SLC9A7: variants seen among roughly 807,000 people sequenced by gnomAD.
SLC9A7 encodes the protein sodium/hydrogen exchanger 7.
SLC9A7 carries 19 observed loss-of-function variants against 52.6 expected under a neutral mutation model. The observed-to-expected ratio is 0.36, with a 90% CI of 0.25 to 0.53. The LOEUF (loss-of-function observed/expected upper bound fraction) is 0.53, where lower values mean the gene tolerates loss of function less well. Ranked by LOEUF, SLC9A7 falls within the 20% of genes least tolerant of loss-of-function variation. The probability of loss-of-function intolerance (pLI) is 0.91; values close to 1 mark genes in which losing one functional copy is unlikely to be tolerated. For missense variants in SLC9A7, 455 were observed against 597.9 expected, an observed-to-expected ratio of 0.76 and a Z score of 2.49; for synonymous variants, 226 against 252.1, an observed-to-expected ratio of 0.90 and a Z score of 0.98.
chrX:46,663,301 C>T (rs1283370693), intron 5 of SLC9A7, among the ~76,000 whole-genome samples: 2 of 107,596 alleles, frequency 1.9e-5, no homozygotes, highest in Admixed American at 2.0e-4. Context: ...CCATTGCACT[C>T]CAGCCTGGGC....
chrX:46,692,683 G>A (rs1178223375), intron 1 of SLC9A7, among the ~76,000 whole-genome samples: 1 of 111,350 alleles, frequency 9.0e-6, no homozygotes, highest in African/African-American at 3.3e-5. Context: ...GGGTGTTTGA[G>A]GTATTTTGAT....
chrX:46,635,310 G>A (rs908181318), intron 13 of SLC9A7, among the ~76,000 whole-genome samples: 7 of 111,294 alleles, frequency 6.3e-5, no homozygotes, highest in Non-Finnish European at 1.3e-4. Context: ...TCAGTTGTAC[G>A]AAAAGGAGAC....
intron 16 of SLC9A7, among the ~76,000 whole-genome samples, chrX:46,612,195 T>C (rs1303739869): frequency 1.8e-5 from 2 of 112,547 alleles, no homozygotes; most frequent in East Asian, 2.8e-4. Flanking sequence ...CGAATGAACT[T>C]AGCCTTTGTG....
chrX:46,697,681 G>A (rs1944467518), intron 1 of SLC9A7, among the ~76,000 whole-genome samples: 1 of 111,491 alleles, frequency 9.0e-6, no homozygotes, highest in Non-Finnish European at 1.9e-5. Flanking sequence ...TGCACAAATT[G>A]TACAGCATGT....
intron 5 of SLC9A7, 67 bp downstream of exon 5, chrX:46,669,540 C>T: frequency 3.4e-6 from 2 of 579,784 alleles, no homozygotes; most frequent in Non-Finnish European, 5.2e-6. Context: ...AATGATTGCT[C>T]TGAACTTTTA....
intron 1 of SLC9A7, among the ~76,000 whole-genome samples, chrX:46,712,345 G>A (rs1322084816): frequency 9.0e-6 from 1 of 111,168 alleles, no homozygotes; most frequent in Non-Finnish European, 1.9e-5. Flanking sequence ...AGGCGAAGGG[G>A]AGCCAGCATG....
chrX:46,757,184 C>A (rs1468921142), intron 1 of SLC9A7, among the ~76,000 whole-genome samples: 1 of 111,988 alleles, frequency 8.9e-6, no homozygotes, highest in Admixed American at 9.5e-5. Context: ...TCAATTCCCC[C>A]CTGTCTGTCT....
intron 1 of SLC9A7, among the ~76,000 whole-genome samples, chrX:46,682,811 T>C (rs1944231760): frequency 9.1e-6 from 1 of 109,337 alleles, no homozygotes; most frequent in African/African-American, 3.3e-5. Flanking sequence ...TTTTTGTTTT[T>C]TGAGTGGAGT....
At chrX:46,726,934 A>C (rs1424309454) in intron 1 of SLC9A7, among the ~76,000 whole-genome samples, 1 of 111,629 alleles carries the variant, frequency 9.0e-6, no homozygotes, top group African/African-American at 3.3e-5. Context: ...TCCCCATGCC[A>C]ATTTACAGCT....
At chrX:46,752,908 G>A (rs1454043644) in intron 1 of SLC9A7, among the ~76,000 whole-genome samples, 2 of 112,098 alleles carry the variant, frequency 1.8e-5, no homozygotes, top group Non-Finnish European at 3.8e-5. Context: ...ACTATCACTA[G>A]AGGTTGAAAA....
intron 1 of SLC9A7, chrX:46,725,597 C>T: frequency 1.9e-6 from 2 of 1,036,109 alleles, no homozygotes; most frequent in Non-Finnish European, 1.4e-6. Context: ...GCTGCTCATA[C>T]ATCCACTTTT....
At chrX:46,671,302 C>G (rs1311669931) in intron 4 of SLC9A7, among the ~76,000 whole-genome samples, 1 of 110,564 alleles carries the variant, frequency 9.0e-6, no homozygotes, top group Non-Finnish European at 1.9e-5. Context: ...ACTCTGTCGC[C>G]CAGGCTGGAG....
At chrX:46,612,665 C>T (rs1432368358) in intron 16 of SLC9A7, among the ~76,000 whole-genome samples, 2 of 110,461 alleles carry the variant, frequency 1.8e-5, no homozygotes, top group African/African-American at 6.6e-5. Context: ...TGGTGGCTCA[C>T]GCCTGTAATC....
intron 1 of SLC9A7, among the ~76,000 whole-genome samples, chrX:46,707,803 G>T (rs1569521321): frequency 9.0e-6 from 1 of 111,439 alleles, no homozygotes. Context: ...GCAGTGGCAC[G>T]ATCTCAGCTC....
intron 1 of SLC9A7, among the ~76,000 whole-genome samples, chrX:46,707,415 A>G (rs905468037): frequency 1.8e-5 from 2 of 111,879 alleles, no homozygotes; most frequent in Admixed American, 1.9e-4. Flanking sequence ...CAAGGTGGCC[A>G]GGCAGCCCCT....
chrX:46,692,125 G>A (rs1944388710), intron 1 of SLC9A7, among the ~76,000 whole-genome samples: 1 of 111,239 alleles, frequency 9.0e-6, no homozygotes, highest in Non-Finnish European at 1.9e-5. Flanking sequence ...CTGCAAGGAA[G>A]ACAGGTTTCA....
rs1236764067 is a variant in SLC9A7 at position 46,670,791 on chromosome X, C to A, written c.681-1072G>T. Among the ~76,000 whole-genome samples the A allele has an allele frequency of 8.0e-5, 9 of 111,997 alleles. No individual in the cohort carries two copies. The Admixed American group carries it at 8.5e-4, about 11-fold the overall frequency. Reference sequence around the variant, plus strand: ...GACACTGTTCTAGACACTTAACCAGCTCAATTTCTTTTCACAGGAATTGTA... The same window carrying A: ...GACACTGTTCTAGACACTTAACCAGATCAATTTCTTTTCACAGGAATTGTA... On this transcript the variant is annotated intron_variant, in intron 4 of 16. Transcript: ENST00000616978.
At chrX:46,661,655 C>G (rs1483070781) in intron 7 of SLC9A7, among the ~76,000 whole-genome samples, 5 of 111,696 alleles carry the variant, frequency 4.5e-5, no homozygotes, top group African/African-American at 1.3e-4. Context: ...TTGGCAGCAG[C>G]TAGCTGGGGC....
intron 1 of SLC9A7, among the ~76,000 whole-genome samples, chrX:46,687,621 T>C (rs1023643618): frequency 8.9e-6 from 1 of 112,049 alleles, no homozygotes; most frequent in Non-Finnish European, 1.9e-5. Flanking sequence ...GTGTTATTCG[T>C]TGATATATTA....
Sources: allele counts gnomAD v4.1 joint callset (sites outside exome capture counted in the v4.1 genomes callset), GRCh38; gene constraint gnomAD v4.1.1; transcripts MANE v1.5; gene names NCBI Gene and HGNC (gene_info 2026-07-23, HGNC 2026-07-21).